Variants in GALNTL6 observed in about 807,000 individuals in gnomAD.
GALNTL6 encodes polypeptide N-acetylgalactosaminyltransferase-like 6.
A neutral mutation model predicts 73.7 loss-of-function variants in GALNTL6; 46 were observed. The observed-to-expected ratio is 0.62, with a 90% CI of 0.49 to 0.80. The LOEUF (loss-of-function observed/expected upper bound fraction) is 0.80, where lower values mean the gene tolerates loss of function less well. GALNTL6 is among the 30% of genes least tolerant of loss of function. GALNTL6 has a pLI of 0.00. For missense variants in GALNTL6, 604 were observed against 755.0 expected (o/e 0.80, Z 2.34); for synonymous variants, 259 against 263.7 (o/e 0.98, Z 0.17).
intron 10 of GALNTL6, among the ~76,000 whole-genome samples, chr4:172,953,521 G>A (rs1190915828): frequency 6.6e-6 from 1 of 152,186 alleles, no homozygotes; most frequent in Admixed American, 6.5e-5. Context: ...GTCTGTGGCT[G>A]CAGAGCTCTG....
intron 2 of GALNTL6, among the ~76,000 whole-genome samples, chr4:171,943,124 A>G (rs1018885907): frequency 2.6e-5 from 4 of 152,236 alleles, no homozygotes; most frequent in African/African-American, 7.2e-5. Flanking sequence ...GTTCCCTCCC[A>G]TCAAACAAAC....
At chr4:171,999,509 T>C (rs981399382) in intron 2 of GALNTL6, among the ~76,000 whole-genome samples, 1 of 152,096 alleles carries the variant, frequency 6.6e-6, no homozygotes, top group South Asian at 2.1e-4. Flanking sequence ...ATAAGTTGGT[T>C]TAATATTGGC....
intron 2 of GALNTL6, among the ~76,000 whole-genome samples, chr4:172,078,844 A>G (rs1305237013): frequency 6.6e-6 from 1 of 152,190 alleles, no homozygotes; most frequent in Non-Finnish European, 1.5e-5. Context: ...ATGTTTTGAT[A>G]TAGAAATCTA....
Position 172,809,364 on chromosome 4 carries a change from A to G in GALNTL6, c.557A>G (p.His186Arg). 6.2e-7 allele frequency: 1 copy of G among 1,613,320 alleles called. No homozygotes were observed. The highest frequency in any genetic ancestry group is 1.1e-5 in the South Asian group (1 of 90,962). Residue 186 changes from histidine to arginine, a missense_variant, in exon 6 of 13, where the codon CAC (histidine) becomes CGC (arginine). By Grantham distance (29) the His-to-Arg change is conservative (BLOSUM62 0). Around this residue, in one of 5 missense-constraint regions of GALNTL6, gnomAD observed 179 missense variants for 230.8 expected, o/e 0.78. Transcript: ENST00000506823. The surrounding 1 kb of genome is among the most constrained non-coding windows in gnomAD (Gnocchi z 4.4). ...GCATTCTCTACTTCCTACCTAGAAC[A>G]CCTGAAGGATAAATTGGAAGAATAC... ...ILVDDFSERE[H>R]LKDKLEEYMA...
intron 2 of GALNTL6, among the ~76,000 whole-genome samples, chr4:172,013,808 TCTAA>T (rs1255630849): frequency 1.3e-5 from 2 of 152,018 alleles, no homozygotes; most frequent in African/African-American, 2.4e-5. Context: ...TATTCATTCT[TCTAA>T]CTATTTTTTG....
intron 5 of GALNTL6, among the ~76,000 whole-genome samples, chr4:172,785,300 T>C (rs554608057): frequency 6.6e-6 from 1 of 152,332 alleles, no homozygotes; most frequent in South Asian, 2.1e-4. Context: ...AGAGGACTTA[T>C]ACTTTCAGAA....
chr4:172,114,607 G>C (rs1364520837), intron 2 of GALNTL6, among the ~76,000 whole-genome samples: 1 of 152,030 alleles, frequency 6.6e-6, no homozygotes, highest in Admixed American at 6.6e-5. Flanking sequence ...CAAGAAAAAT[G>C]TCAGAACAAG....
intron 5 of GALNTL6, among the ~76,000 whole-genome samples, chr4:172,575,842 C>T (rs1399697335): frequency 6.6e-6 from 1 of 152,110 alleles, no homozygotes; most frequent in Non-Finnish European, 1.5e-5. Flanking sequence ...AGTGACTCAG[C>T]ACTTCAGATT....
chr4:172,618,678 T>C (rs1738838402), intron 5 of GALNTL6, among the ~76,000 whole-genome samples: 1 of 152,158 alleles, frequency 6.6e-6, no homozygotes, highest in South Asian at 2.1e-4. Flanking sequence ...AGAGATGATG[T>C]GTTTATTCTC....
chr4:172,501,162 C>A (rs541041852), intron 5 of GALNTL6, among the ~76,000 whole-genome samples: 1 of 152,228 alleles, frequency 6.6e-6, no homozygotes, highest in East Asian at 1.9e-4. Flanking sequence ...ATGTGATTTC[C>A]TGACTGTGAT....
chr4:172,284,028 A>G (rs377716074), intron 3 of GALNTL6, among the ~76,000 whole-genome samples: 32 of 152,280 alleles, frequency 2.1e-4, no homozygotes, highest in African/African-American at 6.7e-4. Context: ...GTCTAAATCA[A>G]TCTTTGGAAA....
intron 3 of GALNTL6, 101 bp downstream of exon 3, chr4:172,229,865 A>G: frequency 1.4e-6 from 1 of 696,400 alleles, no homozygotes; most frequent in Non-Finnish European, 2.5e-6. Flanking sequence ...CACACTGTAA[A>G]GTATGTTTCA....
chr4:172,093,227 T>A (rs1234640687), intron 2 of GALNTL6, among the ~76,000 whole-genome samples: 1 of 152,216 alleles, frequency 6.6e-6, no homozygotes, highest in East Asian at 1.9e-4. Context: ...CAGTCAACTT[T>A]GACTACACAC....
At chr4:172,181,290 C>T (rs1016356911) in intron 2 of GALNTL6, among the ~76,000 whole-genome samples, 1 of 152,136 alleles carries the variant, frequency 6.6e-6, no homozygotes, top group African/African-American at 2.4e-5. Context: ...CGGCTTCATC[C>T]CTGGGATGCA....
intron 2 of GALNTL6, among the ~76,000 whole-genome samples, chr4:171,939,786 TAC>T (rs1255521326): frequency 6.6e-6 from 1 of 152,100 alleles, no homozygotes; most frequent in East Asian, 1.9e-4. Context: ...TTATACAGGA[TAC>T]AGATAAACAA....
At chr4:172,736,536 C>T (rs1478056916) in intron 5 of GALNTL6, among the ~76,000 whole-genome samples, 2 of 152,248 alleles carry the variant, frequency 1.3e-5, no homozygotes, top group East Asian at 1.9e-4. Flanking sequence ...GTGCAGATAA[C>T]GCAATCATCA....
intron 4 of GALNTL6, among the ~76,000 whole-genome samples, chr4:172,320,731 A>G (rs1469346791): frequency 2.0e-5 from 3 of 152,176 alleles, no homozygotes; most frequent in Non-Finnish European, 4.4e-5. Context: ...TGTTAAAAAC[A>G]AGAAAGCAAT....
At chr4:172,370,312 T>A (rs574138465) in intron 5 of GALNTL6, among the ~76,000 whole-genome samples, 13 of 151,674 alleles carry the variant, frequency 8.6e-5, no homozygotes, top group Non-Finnish European at 1.8e-4. Context: ...AAATAGAGGG[T>A]CCAAAGGCGA....
chr4:172,193,115 T>A (rs1554001551), intron 2 of GALNTL6, among the ~76,000 whole-genome samples: 2 of 152,188 alleles, frequency 1.3e-5, no homozygotes, highest in Non-Finnish European at 2.9e-5. Flanking sequence ...GTCCAGGCAG[T>A]CCAGATGAGA....
Sources: gnomAD v4.1 joint callset for allele counts (sites outside exome capture counted in the v4.1 genomes callset) on GRCh38, gnomAD v4.1.1 for gene constraint, gnomAD v4.1.1 regional missense constraint, Gnocchi (gnomAD v3.1) non-coding constraint, MANE v1.5 for transcripts, NCBI Gene and HGNC (gene_info 2026-07-23, HGNC 2026-07-21) for gene names.